Variants in ASTN2 observed in about 807,000 individuals in gnomAD.
ASTN2 encodes astrotactin 2.
Under a neutral mutation model 139.8 loss-of-function variants are expected in ASTN2, and 54 were observed. That is an observed-to-expected ratio of 0.39 (90% CI 0.31 to 0.48). ASTN2 has a LOEUF of 0.48. Among genes scored for constraint, ASTN2 ranks in the 20% least tolerant of loss-of-function variants. The pLI, the probability that ASTN2 is intolerant of heterozygous loss-of-function variation, is 0.95. For synonymous variants in ASTN2, 756 were observed against 719.5 expected, an observed-to-expected ratio of 1.05 and a Z score of -0.81; for missense variants, 1,565 against 1,725.1, an observed-to-expected ratio of 0.91 and a Z score of 1.64.
chr9:117,224,747 C>T (rs747184832), intron 2 of ASTN2, among the ~76,000 whole-genome samples: 2 of 152,194 alleles, frequency 1.3e-5, no homozygotes, highest in African/African-American at 2.4e-5. Flanking sequence ...TGTGCTTTTG[C>T]TCATGCTCCC....
intron 4 of ASTN2, among the ~76,000 whole-genome samples, chr9:117,116,579 GT>G (rs5900265): frequency 0.53 from 76,242 of 144,942 alleles, 19,862 homozygotes; most frequent in African/African-American, 0.63. Flanking sequence ...TTCATCAAAA[GT>G]TTTTTTTTTT....
chr9:116,768,813 A>G (rs1326391297), intron 13 of ASTN2, among the ~76,000 whole-genome samples: 1 of 152,202 alleles, frequency 6.6e-6, no homozygotes, highest in African/African-American at 2.4e-5. Context: ...GACTATAAGA[A>G]ATAAATTTAT....
chr9:116,466,282 T>G (rs1353566116), intron 20 of ASTN2, among the ~76,000 whole-genome samples: 1 of 151,882 alleles, frequency 6.6e-6, no homozygotes, highest in Non-Finnish European at 1.5e-5. Flanking sequence ...TCTGTGAGGT[T>G]TGCATTGGTC....
At chr9:117,083,463 A>G (rs1828480261) in intron 5 of ASTN2, among the ~76,000 whole-genome samples, 1 of 152,188 alleles carries the variant, frequency 6.6e-6, no homozygotes, top group Non-Finnish European at 1.5e-5. Context: ...TCAGGATTAA[A>G]TAAGGTTATG....
At chr9:116,572,921 GC>G (rs766660135) in intron 19 of ASTN2, among the ~76,000 whole-genome samples, 2 of 152,028 alleles carry the variant, frequency 1.3e-5, no homozygotes, top group Non-Finnish European at 2.9e-5. Flanking sequence ...GACTTGTAAT[GC>G]CCCAGGTGCG....
At chr9:116,754,160 A>C (rs1465320742) in intron 13 of ASTN2, among the ~76,000 whole-genome samples, 1 of 152,108 alleles carries the variant, frequency 6.6e-6, no homozygotes, top group African/African-American at 2.4e-5. Context: ...TTATGGCTGC[A>C]TAGTATTCCA....
intron 13 of ASTN2, among the ~76,000 whole-genome samples, chr9:116,767,304 G>T (rs1829837607): frequency 6.6e-6 from 1 of 152,154 alleles, no homozygotes; most frequent in African/African-American, 2.4e-5. Context: ...CTTTTTGCTG[G>T]CTCCCAGAGC....
At chr9:117,333,415 A>G (rs1828779737) in intron 1 of ASTN2, among the ~76,000 whole-genome samples, 1 of 152,142 alleles carries the variant, frequency 6.6e-6, no homozygotes, top group Non-Finnish European at 1.5e-5. Flanking sequence ...TGAGGAAACC[A>G]CCCAGGTTCA....
intron 19 of ASTN2, among the ~76,000 whole-genome samples, chr9:116,510,372 G>GTTT (rs1850319371): frequency 6.6e-6 from 1 of 151,182 alleles, no homozygotes; most frequent in African/African-American, 2.4e-5. Flanking sequence ...CTATATCTCT[G>GTTT]GGTACAAGTA....
chr9:117,122,106 C>A (rs1164106197), intron 4 of ASTN2, among the ~76,000 whole-genome samples: 1 of 152,154 alleles, frequency 6.6e-6, no homozygotes, highest in Non-Finnish European at 1.5e-5. Flanking sequence ...AGGAGACACA[C>A]AATGTAGATC....
intron 3 of ASTN2, among the ~76,000 whole-genome samples, chr9:117,204,535 T>G (rs1298643844): frequency 1.3e-5 from 2 of 152,218 alleles, no homozygotes; most frequent in Non-Finnish European, 2.9e-5. Context: ...AAAGAGAAAC[T>G]GATTATTTTT....
At chr9:116,783,288 TCCTTCCTTCCTCCCTC>T (rs1489835560) in intron 13 of ASTN2, among the ~76,000 whole-genome samples, 1 of 34,594 alleles carries the variant, frequency 2.9e-5, no homozygotes, top group African/African-American at 2.5e-4. Flanking sequence ...CTTCCTTCCT[TCCTTCCTTCCTCCCTC>T]CCTCCCTCCC....
chr9:116,869,436 T>C (rs898372321), intron 10 of ASTN2, among the ~76,000 whole-genome samples: 42 of 152,140 alleles, frequency 2.8e-4, no homozygotes, highest in African/African-American at 9.9e-4. Flanking sequence ...TTGATTCTTA[T>C]CAAAGTGTTC....
At chr9:116,781,770 G>A (rs1330701438) in intron 13 of ASTN2, among the ~76,000 whole-genome samples, 1 of 151,952 alleles carries the variant, frequency 6.6e-6, no homozygotes, top group Non-Finnish European at 1.5e-5. Flanking sequence ...AATGACTTCC[G>A]GTTAACTTGT....
intron 5 of ASTN2, among the ~76,000 whole-genome samples, chr9:117,067,723 A>G (rs1464973827): frequency 2.8e-5 from 3 of 107,818 alleles, no homozygotes; most frequent in Non-Finnish European, 6.0e-5. Context: ...GGTCCTTCAC[A>G]TCCCTTGTAA....
At chr9:116,482,843 G>C (rs1053035957) in intron 20 of ASTN2, among the ~76,000 whole-genome samples, 3 of 152,208 alleles carry the variant, frequency 2.0e-5, no homozygotes, top group African/African-American at 7.2e-5. Context: ...CTGAAGCCAG[G>C]GAGGTGAGGG....
intron 4 of ASTN2, among the ~76,000 whole-genome samples, chr9:117,099,125 G>A (rs1394845497): frequency 6.7e-6 from 1 of 148,206 alleles, no homozygotes; most frequent in Middle Eastern, 3.5e-3. Context: ...AAAAAAAAAG[G>A]AGGGAGGAAG....
chr9:116,813,860 C>T (rs10983358), intron 12 of ASTN2, among the ~76,000 whole-genome samples: 27,933 of 151,814 alleles, frequency 0.18, 3,102 homozygotes, highest in South Asian at 0.26. Context: ...CATGGCGAAA[C>T]CCCATCTCTA....
intron 16 of ASTN2, among the ~76,000 whole-genome samples, chr9:116,693,640 G>T (rs920419249): frequency 6.6e-6 from 1 of 152,120 alleles, no homozygotes; most frequent in African/African-American, 2.4e-5. Flanking sequence ...GGCACAAAGT[G>T]CACAACAGGA....
Sources: gnomAD v4.1 joint callset for allele counts (sites outside exome capture counted in the v4.1 genomes callset) on GRCh38, gnomAD v4.1.1 for gene constraint, MANE v1.5 for transcripts, NCBI Gene and HGNC (gene_info 2026-07-23, HGNC 2026-07-21) for gene names.